The following RXRA variants were observed in gnomAD, a reference collection of about 807,000 sequenced individuals.
RXRA encodes the protein retinoid X receptor alpha, also known as retinoic acid receptor RXR-alpha.
A neutral mutation model predicts 44.5 loss-of-function variants in RXRA; 5 were observed. The ratio of observed to expected loss-of-function variants is 0.11; its 90% CI spans 0.06 to 0.24. The LOEUF is 0.24. RXRA is among the 10% of genes least tolerant of loss of function. The pLI is 1.00. For synonymous variants in RXRA, 291 were observed against 271.4 expected (o/e 1.07, Z -0.71); for missense variants, 412 against 646.5 (o/e 0.64, Z 3.93).
At chr9:134,340,274 A>G (rs1178421813) in intron 1 of RXRA, among the ~76,000 whole-genome samples, 79 of 152,194 alleles carry the variant, frequency 5.2e-4, no homozygotes, top group Admixed American at 5.2e-3. Context: ...GGTCCAGGAC[A>G]GGAGAATGAG....
intron 8 of RXRA, among the ~76,000 whole-genome samples, chr9:134,432,466 G>A (rs1446603853): frequency 6.6e-6 from 1 of 152,196 alleles, no homozygotes; most frequent in Admixed American, 6.5e-5. Context: ...GGGCCCCTGT[G>A]GTTGAGGAGA....
intron 1 of RXRA, among the ~76,000 whole-genome samples, chr9:134,371,570 A>C (rs1192093954): frequency 1.3e-5 from 2 of 152,220 alleles, no homozygotes; most frequent in African/African-American, 4.8e-5. Flanking sequence ...GCTGGCAGAG[A>C]ACTCTCGCCC....
chr9:134,351,823 C>T (rs1191020526), intron 1 of RXRA, among the ~76,000 whole-genome samples: 4 of 152,162 alleles, frequency 2.6e-5, no homozygotes, highest in Non-Finnish European at 5.9e-5. Context: ...GGCGGGTGTG[C>T]GGGGCCTCGG....
intron 1 of RXRA, among the ~76,000 whole-genome samples, chr9:134,359,763 C>T (rs1385377539): frequency 6.6e-6 from 1 of 151,152 alleles, no homozygotes; most frequent in Admixed American, 6.5e-5. Context: ...CAGCCCCGCC[C>T]CTCCCAGCAA....
intron 1 of RXRA, among the ~76,000 whole-genome samples, chr9:134,329,864 T>C (rs1286601726): frequency 6.6e-5 from 10 of 152,170 alleles, no homozygotes; most frequent in African/African-American, 2.4e-4. Flanking sequence ...CAGGATTTGC[T>C]GTGGAATTAC....
rs191203708 is a variant in RXRA, at chr9:134,367,328, G to C, written c.29-34304G>C. Among the ~76,000 whole-genome samples, 20 of 152,238 alleles carry C rather than the reference G, an allele frequency of 1.3e-4. No homozygotes were observed. In the South Asian group the frequency reaches 1.7e-3, roughly 13 times the overall value. ...GCTGGGCAGGGACTGAGTCTGCGGT[G>C]GGGGGGAGGGTGGTGACCCTGTCCG... On this transcript the variant is annotated intron_variant, in intron 1 of 9. Transcript: ENST00000481739.
chr9:134,429,142 C>T lies in RXRA; in HGVS notation c.945C>T (p.His315=), dbSNP rs1033353228. The change falls in exon 7 of 10, where the codon CAC becomes CAT. Residue 315 remains histidine (H), a synonymous_variant. Coordinates refer to ENST00000481739, the MANE Select transcript of RXRA (RefSeq NM_002957.6). ...WNELLIASFS[H]RSIAVKDGIL... ...AGCTGCTCATCGCCTCCTTCTCCCA[C>T]CGCTCCATCGCCGTGAAGGACGGGA... 2.5e-6 allele frequency: 4 copies of T among 1,613,016 alleles called. No homozygotes were observed. The highest frequency in any genetic ancestry group is 1.3e-5 in the African/African-American group (1 of 74,934).
At chr9:134,420,554 C>T (rs1831312969) in intron 5 of RXRA, among the ~76,000 whole-genome samples, 2 of 152,262 alleles carry the variant, frequency 1.3e-5, no homozygotes, top group Non-Finnish European at 2.9e-5. Flanking sequence ...TCACTCCGCC[C>T]TCAGAGGCCT....
rs1321632681 is a variant in RXRA, at chr9:134,417,940, G to A, written c.780+613G>A. ...TTGGGTGGGCCGCAGCCCTGGTCCC[G>A]GGCTCTTCTCCTGGGCTGGCTCCAG... On this transcript the variant is annotated intron_variant, in intron 5 of 9. Coordinates refer to ENST00000481739, the MANE Select transcript of RXRA (RefSeq NM_002957.6). The surrounding 1 kb of genome is among the most constrained non-coding windows in gnomAD (Gnocchi z 6.1). Among the ~76,000 whole-genome samples the A allele has an allele frequency of 2.6e-5, 4 of 152,030 alleles. No homozygotes were observed. The highest frequency in any genetic ancestry group is 7.2e-5 in the African/African-American group (3 of 41,388).
intron 1 of RXRA, among the ~76,000 whole-genome samples, chr9:134,371,730 C>T (rs1331568128): frequency 6.6e-6 from 1 of 152,172 alleles, no homozygotes; most frequent in Non-Finnish European, 1.5e-5. Flanking sequence ...AGTGGTCCGC[C>T]CTTGTCTCTG....
Position 134,426,066 on chromosome 9 carries a change from G to C in RXRA, c.911-3042G>C, listed in dbSNP as rs892644394. 31 of 985,308 alleles carry C rather than the reference G, an allele frequency of 3.1e-5. No homozygotes were observed. The East Asian group carries it at 7.9e-4, about 25-fold the overall frequency. The allele number at this position is 985,308 out of a possible 1,614,324, so 61.0% of individuals were successfully genotyped here. ...GCCCTGAGCGTTTGGGCAGGGCCAC[G>C]AGGGATCTGCAGGAGTAAGTTCCTT... On this transcript the variant is annotated intron_variant, in intron 6 of 9. Coordinates refer to ENST00000481739, the MANE Select transcript of RXRA (RefSeq NM_002957.6). The surrounding 1 kb of genome is among the most constrained non-coding windows in gnomAD (Gnocchi z 4.6).
intron 1 of RXRA, among the ~76,000 whole-genome samples, chr9:134,388,810 G>A (rs1020655715): frequency 6.6e-6 from 1 of 152,196 alleles, no homozygotes; most frequent in Non-Finnish European, 1.5e-5. Flanking sequence ...ACAGCCGGGT[G>A]CCCTGGGGCA....
rs369084120 is a variant in RXRA, at chr9:134,391,031, G to A, written c.29-10601G>A. ...TCCCTGCCTGGACTCTGTCCACCGC[G>A]TGGCCCCGGTGGCCATGCCCTGCCT... On this transcript the variant is annotated intron_variant, in intron 1 of 9. Transcript: ENST00000481739. Among the ~76,000 whole-genome samples the A allele has an allele frequency of 5.3e-5, 8 of 152,144 alleles. No individual in the cohort carries two copies. The East Asian group carries it at 9.7e-4, about 18-fold the overall frequency.
chr9:134,347,656 T>C (rs1353887088), intron 1 of RXRA, among the ~76,000 whole-genome samples: 2 of 152,080 alleles, frequency 1.3e-5, no homozygotes, highest in Admixed American at 1.3e-4. Flanking sequence ...AGGGGGATGC[T>C]GCGGGTGGGC....
intron 1 of RXRA, among the ~76,000 whole-genome samples, chr9:134,386,602 C>T (rs1047717440): frequency 5.9e-5 from 9 of 152,338 alleles, no homozygotes; most frequent in East Asian, 1.9e-4. Context: ...CTGCTCCGTA[C>T]GTGGCCGTGC....
chr9:134,338,685 G>C (rs1419137134), intron 1 of RXRA, among the ~76,000 whole-genome samples: 2 of 152,220 alleles, frequency 1.3e-5, no homozygotes, highest in Non-Finnish European at 2.9e-5. Flanking sequence ...CTGATAAGCT[G>C]TGAACTCATT....
At chr9:134,361,527 A>G (rs1830351924) in intron 1 of RXRA, among the ~76,000 whole-genome samples, 1 of 151,952 alleles carries the variant, frequency 6.6e-6, no homozygotes, top group African/African-American at 2.4e-5. Flanking sequence ...AGATGAGGCC[A>G]TGGGCACTGA....
chr9:134,429,154 C>T lies in RXRA; in HGVS notation c.957C>T (p.Ala319=), dbSNP rs137871665. 1.8e-3 allele frequency: 2,906 copies of T among 1,613,118 alleles called. 8 individuals carry two copies. Among genetic ancestry groups the T allele is most frequent in the Non-Finnish European group, 2.2e-3 (2,566 of 1,179,984 alleles). The change falls in exon 7 of 10, where the codon GCC becomes GCT. Residue 319 remains alanine, a synonymous_variant. Transcript: ENST00000481739. ...CCTCCTTCTCCCACCGCTCCATCGC[C>T]GTGAAGGACGGGATCCTCCTGGCCA... ...LIASFSHRSI[A]VKDGILLATG...
chr9:134,343,940 A>C lies in RXRA; in HGVS notation c.28+17281A>C, dbSNP rs1830118312. On this transcript the variant is annotated intron_variant, in intron 1 of 9. Transcript: ENST00000481739. The surrounding 1 kb of genome is among the most constrained non-coding windows in gnomAD (Gnocchi z 4.1). The stretch of plus-strand genomic sequence containing the variant: ...GTGGCCCTACCACAGTGGGGTGGGC[A>C]TCTCCCCATAGGCCCTCCCCACAGG... Among the ~76,000 whole-genome samples, 2 of 152,076 alleles carry C rather than the reference A, an allele frequency of 1.3e-5. No individual in the cohort carries two copies. Among genetic ancestry groups the C allele is most frequent in the African/African-American group, 2.4e-5 (1 of 41,424 alleles).
Sources: allele counts gnomAD v4.1 joint callset (sites outside exome capture counted in the v4.1 genomes callset), GRCh38; gene constraint gnomAD v4.1.1; non-coding constraint Gnocchi (gnomAD v3.1); transcripts MANE v1.5; gene names NCBI Gene and HGNC (gene_info 2026-07-23, HGNC 2026-07-21).